Variants in TAS1R3 observed in about 807,000 individuals in gnomAD.
The protein encoded by TAS1R3 is taste 1 receptor member 3, also known as taste receptor type 1 member 3.
Under a neutral mutation model 46.1 loss-of-function variants are expected in TAS1R3, and 58 were observed. The ratio of observed to expected loss-of-function variants is 1.26; its 90% CI spans 1.02 to 1.57. The LOEUF (loss-of-function observed/expected upper bound fraction) is 1.57. Ranked by LOEUF, TAS1R3 falls within the 40% of genes most tolerant of loss-of-function variation. The pLI is 0.00. For missense variants in TAS1R3, 1,422 were observed against 1,185.8 expected, an observed-to-expected ratio of 1.20 and a Z score of -2.93; for synonymous variants, 724 against 544.7, an observed-to-expected ratio of 1.33 and a Z score of -4.58.
rs776444444 is a variant in TAS1R3 at position 1,331,540 on chromosome 1, C to T, written c.191+4C>T. Reference sequence around the variant, plus strand: ...CCAGCAGCCCTGTGTGCACCAGGTACAGAGGTGGGACGGCCTGGGTCGGGG... The same window carrying T: ...CCAGCAGCCCTGTGTGCACCAGGTATAGAGGTGGGACGGCCTGGGTCGGGG... On this transcript the variant is annotated splice_donor_region_variant and intron_variant, in intron 1 of 5. Coordinates refer to ENST00000339381, the MANE Select transcript of TAS1R3 (RefSeq NM_152228.3). The T allele has an allele frequency of 3.1e-6, 5 of 1,598,450 alleles. No homozygotes were observed. In the South Asian group the frequency reaches 5.6e-5, roughly 18 times the overall value.
At position 1,333,970 on chromosome 1, in the gene TAS1R3, A is replaced by G. The variant is rs1278174847; in HGVS notation, c.2065A>G (p.Met689Val). The stretch of plus-strand genomic sequence containing the variant: ...GGCCTGGCTGGTGGTGCTGCTGGCC[A>G]TGCTGGTGGAGGTCGCACTGTGCAC... ...PWAWLVVLLA[M>V]LVEVALCTWY... Residue 689 changes from methionine to valine, a missense_variant, in exon 6 of 6, where the codon ATG becomes GTG. By Grantham distance (21) the Met-to-Val change is conservative. Coordinates refer to ENST00000339381, the MANE Select transcript of TAS1R3 (RefSeq NM_152228.3). The G allele has an allele frequency of 6.2e-7, 1 of 1,600,774 alleles. No homozygotes were observed. Among genetic ancestry groups the G allele is most frequent in the Non-Finnish European group, 8.5e-7 (1 of 1,179,670 alleles).
chr1:1,331,394 C>T lies in TAS1R3; in HGVS notation c.49C>T (p.Pro17Ser). The change falls in exon 1 of 6, where the codon CCT becomes TCT. Residue 17 changes from proline (P) to serine (S), a missense_variant. Physicochemically the swap from Pro to Ser is moderately conservative, Grantham distance 74. Transcript: ENST00000339381. ...LGLSLWALLHPGTGAPLCLSQ... is the reference protein window; with the variant it reads ...LGLSLWALLHSGTGAPLCLSQ... ...CCTCAGCCTCTGGGCTCTCCTGCAC[C>T]CTGGGACGGGGGCCCCATTGTGCCT... The T allele has an allele frequency of 1.2e-6, 2 of 1,605,702 alleles. No individual in the cohort carries two copies. The highest frequency in any genetic ancestry group is 1.7e-6 in the Non-Finnish European group (2 of 1,176,670).
chr1:1,333,360 C>T lies in TAS1R3; in HGVS notation c.1581C>T (p.Gly527=). The part of the protein sequence containing the change: ...CCYDCVDCEA[G]SYRQNPDDIA... ...ACGACTGTGTGGACTGCGAGGCGGG[C>T]AGCTACCGGCAAAACCCAGGTGAGC... is the stretch of plus-strand genomic sequence containing the variant. The change falls in exon 5 of 6, where the codon GGC becomes GGT. Residue 527 remains glycine, a synonymous_variant. Coordinates refer to ENST00000339381, the MANE Select transcript of TAS1R3 (RefSeq NM_152228.3). The T allele has an allele frequency of 1.2e-6, 2 of 1,610,994 alleles. No individual in the cohort carries two copies. The highest frequency in any genetic ancestry group is 1.1e-5 in the South Asian group (1 of 90,866).
Position 1,334,421 on chromosome 1 carries a change from G to A in TAS1R3, c.2516G>A (p.Gly839Asp). 8 of 1,600,822 alleles carry A rather than the reference G, an allele frequency of 5.0e-6. No homozygotes were observed. Among genetic ancestry groups the A allele is most frequent in the Non-Finnish European group, 6.8e-6 (8 of 1,173,120 alleles). Residue 839 changes from glycine to aspartate, a missense_variant, in exon 6 of 6, where the codon GGC becomes GAC. Gly to Asp is a moderately conservative substitution (Grantham distance 94). Transcript: ENST00000339381. ...FLGGGPGDAQ[G>D]QNDGNTGNQG... is the part of the protein sequence containing the mutation. ...GGAGGGGGCCCTGGGGATGCCCAAG[G>A]CCAGAATGACGGGAACACAGGAAAT...
chr1:1,332,863 C>G, intron 3 of TAS1R3, 57 bp downstream of exon 3: 1 of 1,586,814 alleles, frequency 6.3e-7, no homozygotes, highest in Non-Finnish European at 8.6e-7. Context: ...CCACCAGGCA[C>G]GGCCACCACG....
At chr1:1,331,603 C>T in intron 1 of TAS1R3, 35 bp from the exon 2 acceptor site, 1 of 1,605,330 alleles carries the variant, frequency 6.2e-7, no homozygotes, top group Non-Finnish European at 8.5e-7. Flanking sequence ...TGAGCTGGGG[C>T]CGAGGTGGCC....
rs774239498 is a variant in TAS1R3, at chr1:1,333,916, C to T, written c.2011C>T (p.Arg671Trp). Residue 671 changes from arginine to tryptophan, a missense_variant, in exon 6 of 6, where the codon CGG becomes TGG. Arg to Trp is a moderately radical substitution (Grantham distance 101). Coordinates refer to ENST00000339381, the MANE Select transcript of TAS1R3 (RefSeq NM_152228.3). ...AGAACTGCCTCTGAGCTGGGCAGAC[C>T]GGCTGAGTGGCTGCCTGCGGGGGCC... ...ESELPLSWAD[R>W]LSGCLRGPWA... 1.2e-5 allele frequency: 20 copies of T among 1,600,776 alleles called. No individual in the cohort carries two copies. The highest frequency in any genetic ancestry group is 8.0e-5 in the African/African-American group (6 of 74,760).
rs747888880 is a variant in TAS1R3, at chr1:1,333,967, G to A, written c.2062G>A (p.Ala688Thr). Residue 688 changes from alanine (A) to threonine (T), a missense_variant, in exon 6 of 6, where the codon GCC (alanine) becomes ACC (threonine). Ala to Thr is a moderately conservative substitution (Grantham distance 58). Transcript: ENST00000339381. Reference protein sequence around the residue: ...GPWAWLVVLLAMLVEVALCTW... With the variant: ...GPWAWLVVLLTMLVEVALCTW... ...CTGGGCCTGGCTGGTGGTGCTGCTG[G>A]CCATGCTGGTGGAGGTCGCACTGTG... 4.4e-6 allele frequency: 7 copies of A among 1,600,812 alleles called. No homozygotes were observed. Among genetic ancestry groups the A allele is most frequent in the South Asian group, 1.1e-5 (1 of 91,064 alleles).
Position 1,333,591 on chromosome 1 carries a change from G to T in TAS1R3, c.1686G>T (p.Leu562=). The T allele has an allele frequency of 6.2e-7, 1 of 1,608,744 alleles. No homozygotes were observed. The highest frequency in any genetic ancestry group is 8.5e-7 in the Non-Finnish European group (1 of 1,179,934). ...GCTTCCGCCGCAGGTCTCGGTTCCT[G>T]GCATGGGGCGAGCCGGCTGTGCTGC... ...TRCFRRRSRF[L]AWGEPAVLLL... is the part of the protein sequence containing the mutation. Residue 562 remains leucine, a synonymous_variant, in exon 6 of 6, where the codon CTG becomes CTT. Coordinates refer to ENST00000339381, the MANE Select transcript of TAS1R3 (RefSeq NM_152228.3).
chr1:1,333,001 G>A lies in TAS1R3; in HGVS notation c.1356G>A (p.Met452Ile). The change falls in exon 4 of 6, where the codon ATG becomes ATA. Residue 452 changes from methionine to isoleucine, a missense_variant. Met to Ile is a conservative substitution (Grantham distance 10, BLOSUM62 1). Transcript: ENST00000339381. ...TCGACAGCAGCGGAAACGTGGACATGGAGTACGACCTGAAGCTGTGGGTGT... is the reference window on the plus strand; with the variant it reads ...TCGACAGCAGCGGAAACGTGGACATAGAGTACGACCTGAAGCTGTGGGTGT... ...LRFDSSGNVD[M>I]EYDLKLWVWQ... 2 of 1,612,780 alleles carry A rather than the reference G, an allele frequency of 1.2e-6. No homozygotes were observed. Among genetic ancestry groups the A allele is most frequent in the Non-Finnish European group, 1.7e-6 (2 of 1,179,922 alleles).
Position 1,333,062 on chromosome 1 carries a change from A to G in TAS1R3, c.1417A>G (p.Arg473Gly). ...GSVPRLHDVG[R>G]FNGSLRTERL... Reference sequence around the variant, plus strand: ...AGTGCCCAGGCTCCACGACGTGGGCAGGTTCAACGGCAGCCTCAGGACAGA... The same window carrying G: ...AGTGCCCAGGCTCCACGACGTGGGCGGGTTCAACGGCAGCCTCAGGACAGA... Residue 473 changes from arginine (R) to glycine (G), a missense_variant, in exon 4 of 6, where the codon AGG becomes GGG. Transcript: ENST00000339381. 1 of 1,612,716 alleles carries G rather than the reference A, an allele frequency of 6.2e-7. No individual in the cohort carries two copies. The highest frequency in any genetic ancestry group is 8.5e-7 in the Non-Finnish European group (1 of 1,179,908).
Position 1,331,890 on chromosome 1 carries a change from G to A in TAS1R3, c.444G>A (p.Glu148=). ...VLAVIGPHSS[E]LAMVTGKFFS... is the part of the protein sequence containing the mutation. ...CTGTCATCGGGCCCCACTCGTCAGA[G>A]CTCGCCATGGTCACCGGCAAGTTCT... The change falls in exon 2 of 6, where the codon GAG becomes GAA. Residue 148 remains glutamate (E), a synonymous_variant. Coordinates refer to ENST00000339381, the MANE Select transcript of TAS1R3 (RefSeq NM_152228.3). 3 of 1,612,744 alleles carry A rather than the reference G, an allele frequency of 1.9e-6. No homozygotes were observed. Among genetic ancestry groups the A allele is most frequent in the Non-Finnish European group, 2.5e-6 (3 of 1,179,908 alleles).
chr1:1,334,548 G>T lies in TAS1R3; in HGVS notation c.*84G>T, dbSNP rs1243579216. On this transcript the variant is annotated 3_prime_UTR_variant, in exon 6 of 6. Coordinates refer to ENST00000339381, the MANE Select transcript of TAS1R3 (RefSeq NM_152228.3). Reference sequence around the variant, plus strand: ...CAGCAATGACCCGTGTCTCGCTACAGAGACCCTCCCGCTCTAGGTTCTGAC... The same window carrying T: ...CAGCAATGACCCGTGTCTCGCTACATAGACCCTCCCGCTCTAGGTTCTGAC... 1 of 1,390,130 alleles carries T rather than the reference G, an allele frequency of 7.2e-7. No individual in the cohort carries two copies. The highest frequency in any genetic ancestry group is 1.5e-5 in the African/African-American group (1 of 68,930). The allele number at this position is 1,390,130 out of a possible 1,614,324, so 86.1% of individuals were successfully genotyped here. A position where few individuals can be genotyped will look rare whatever the true frequency, so the allele number is the denominator to read the frequency against.
intron 3 of TAS1R3, 57 bp downstream of exon 3, chr1:1,332,863 C>T (rs554432926): frequency 1.4e-4 from 218 of 1,586,810 alleles, no homozygotes; most frequent in Non-Finnish European, 1.6e-4. Flanking sequence ...CCACCAGGCA[C>T]GGCCACCACG....
In TAS1R3 at chr1:1,332,996, G is replaced by C. The variant is rs769411975; in HGVS notation, c.1351G>C (p.Asp451His). The C allele has an allele frequency of 6.2e-7, 1 of 1,612,782 alleles. No individual in the cohort carries two copies. The highest frequency in any genetic ancestry group is 1.7e-5 in the Admixed American group (1 of 60,018). Reference sequence around the variant, plus strand: ...GCGGTTCGACAGCAGCGGAAACGTGGACATGGAGTACGACCTGAAGCTGTG... The same window carrying C: ...GCGGTTCGACAGCAGCGGAAACGTGCACATGGAGTACGACCTGAAGCTGTG... ...PLRFDSSGNVDMEYDLKLWVW... is the reference protein window; with the variant it reads ...PLRFDSSGNVHMEYDLKLWVW... The change falls in exon 4 of 6, where the codon GAC (aspartate) becomes CAC (histidine). Residue 451 changes from aspartate (D) to histidine (H), a missense_variant. Asp to His is a moderately conservative substitution (Grantham distance 81). Coordinates refer to ENST00000339381, the MANE Select transcript of TAS1R3 (RefSeq NM_152228.3).
Position 1,334,517 on chromosome 1 carries a change from C to A in TAS1R3, c.*53C>A, listed in dbSNP as rs567914567. ...AACCCAGACTTAGCTGCGATCCCCC[C>A]CAAGCCAGCAATGACCCGTGTCTCG... On this transcript the variant is annotated 3_prime_UTR_variant, in exon 6 of 6. Coordinates refer to ENST00000339381, the MANE Select transcript of TAS1R3 (RefSeq NM_152228.3). 3.1e-5 allele frequency: 45 copies of A among 1,446,756 alleles called. No individual in the cohort carries two copies. Among genetic ancestry groups the A allele is most frequent in the East Asian group, 4.9e-5 (2 of 40,636 alleles). The allele number at this position is 1,446,756 out of a possible 1,614,324, so 89.6% of individuals were successfully genotyped here.
At position 1,332,743 on chromosome 1, in the gene TAS1R3, G is replaced by A; in HGVS notation, c.1212G>A (p.Leu404=). 3.1e-6 allele frequency: 5 copies of A among 1,605,120 alleles called. No individual in the cohort carries two copies. The highest frequency in any genetic ancestry group is 4.5e-5 in the East Asian group (2 of 44,866). ...YAAVYSVAQA[L]HNTLQCNASG... is the part of the protein sequence containing the mutation. ...CTGTGTATAGCGTGGCCCAGGCCCT[G>A]CACAACACTCTTCAGTGCAACGCCT... Residue 404 remains leucine, a synonymous_variant, in exon 3 of 6, where the codon CTG becomes CTA. Transcript: ENST00000339381.
rs139115619 is a variant in TAS1R3, at chr1:1,333,077, C to A, written c.1432C>A (p.Leu478Ile). ...LHDVGRFNGS[L>I]RTERLKIRWH... The stretch of plus-strand genomic sequence containing the variant: ...CGACGTGGGCAGGTTCAACGGCAGC[C>A]TCAGGACAGAGCGCCTGAAGATCCG... The change falls in exon 4 of 6, where the codon CTC (leucine) becomes ATC (isoleucine). Residue 478 changes from leucine to isoleucine, a missense_variant. Leu to Ile is a conservative substitution (Grantham distance 5). Transcript: ENST00000339381. The A allele has an allele frequency of 1.8e-4, 290 of 1,612,638 alleles. 1 individual carries two copies. The highest frequency in any genetic ancestry group is 1.4e-3 in the African/African-American group (103 of 75,050).
intron 4 of TAS1R3, 53 bp downstream of exon 4, chr1:1,333,177 G>A (rs916545189): frequency 1.3e-6 from 2 of 1,592,618 alleles, no homozygotes; most frequent in East Asian, 2.3e-5. Context: ...CCGCGGCAGG[G>A]CGCAGCCTGG....
Sources: allele counts gnomAD v4.1 joint callset, GRCh38; gene constraint gnomAD v4.1.1; transcripts MANE v1.5; gene names NCBI Gene and HGNC (gene_info 2026-07-23, HGNC 2026-07-21).